The following RHBDL2 variants were observed in gnomAD, a reference collection of about 807,000 sequenced individuals.
RHBDL2 encodes the protein rhomboid-related protein 2.
In RHBDL2, 26 loss-of-function variants were observed where a neutral mutation model predicts 31.7. That is an observed-to-expected ratio of 0.82 (90% CI 0.60 to 1.14). The LOEUF (loss-of-function observed/expected upper bound fraction) is 1.14. Among genes scored for constraint, RHBDL2 ranks in the 50% most tolerant of loss-of-function variants. RHBDL2 has a pLI of 0.00. For missense variants in RHBDL2, 336 were observed against 364.4 expected (o/e 0.92, Z 0.63); for synonymous variants, 123 against 127.2 (o/e 0.97, Z 0.22).
chr1:38,889,240 T>A (rs1642824697), intron 6 of RHBDL2, among the ~76,000 whole-genome samples: 1 of 152,096 alleles, frequency 6.6e-6, no homozygotes, highest in South Asian at 2.1e-4. Context: ...ATTACAGACA[T>A]GTGCCACTAT....
At chr1:38,888,307 G>C (rs1014180564) in intron 6 of RHBDL2, among the ~76,000 whole-genome samples, 2 of 151,306 alleles carry the variant, frequency 1.3e-5, no homozygotes. Flanking sequence ...GCAATGGACA[G>C]ATCTAACAGC....
At chr1:38,931,696 G>A (rs903460942) in intron 1 of RHBDL2, among the ~76,000 whole-genome samples, 3 of 150,822 alleles carry the variant, frequency 2.0e-5, no homozygotes, top group South Asian at 2.1e-4. Context: ...GAAACACATG[G>A]GAAAAAAAAA....
intron 1 of RHBDL2, among the ~76,000 whole-genome samples, chr1:38,934,658 C>CA (rs369758227): frequency 0.7 from 86,395 of 123,640 alleles, 29,969 homozygotes; most frequent in Middle Eastern, 0.72. Context: ...AAGACTGTCT[C>CA]AAAAAAAAAA....
At chr1:38,929,673 G>GC in intron 1 of RHBDL2, 2 of 768,110 alleles carry the variant, frequency 2.6e-6, no homozygotes, top group Non-Finnish European at 1.6e-6. Context: ...GCCAATTGCT[G>GC]CCCAGCTGGG....
intron 3 of RHBDL2, among the ~76,000 whole-genome samples, chr1:38,911,846 G>A (rs1423594360): frequency 1.3e-5 from 2 of 151,364 alleles, no homozygotes; most frequent in Admixed American, 6.6e-5. Context: ...TCCCTCTGTC[G>A]CCCAGGCTGG....
In RHBDL2 at chr1:38,899,512, A is replaced by C. The variant is rs1304327828; in HGVS notation, c.509-3443T>G. ...GTCCTCCCTAACAGGCATGTGGGGCATGGGGATGCTGACCCCTGAACTCCT... is the reference window on the plus strand; with the variant it reads ...GTCCTCCCTAACAGGCATGTGGGGCCTGGGGATGCTGACCCCTGAACTCCT... On this transcript the variant is annotated intron_variant, in intron 4 of 7. Coordinates refer to ENST00000372990, the MANE Select transcript of RHBDL2 (RefSeq NM_017821.5). 2.6e-5 allele frequency among the ~76,000 whole-genome samples: 4 copies of C among 152,196 alleles called. No homozygotes were observed. In the South Asian group the frequency reaches 8.3e-4, roughly 32 times the overall value.
rs1557609429 is a variant in RHBDL2, at chr1:38,896,114, A to G, written c.509-45T>C. ...AGGATCAGACATGACTATACGGATC[A>G]GGAAAGATAAATCTTTCTAATCTAA... On this transcript the variant is annotated intron_variant, in intron 4 of 7. Transcript: ENST00000372990. 5 of 1,379,904 alleles carry G rather than the reference A, an allele frequency of 3.6e-6. No individual in the cohort carries two copies. The East Asian group carries it at 6.9e-5, about 19-fold the overall frequency. 85.5% of individuals were successfully genotyped at this position (1,379,904 alleles called of 1,614,324 possible).
chr1:38,922,945 G>T (rs1187474982), intron 1 of RHBDL2, among the ~76,000 whole-genome samples: 2 of 152,014 alleles, frequency 1.3e-5, no homozygotes, highest in Non-Finnish European at 2.9e-5. Flanking sequence ...ACAAAAATTA[G>T]CTGGGCATGG....
intron 1 of RHBDL2, among the ~76,000 whole-genome samples, chr1:38,935,308 G>T (rs1643486898): frequency 6.6e-6 from 1 of 152,206 alleles, no homozygotes; most frequent in African/African-American, 2.4e-5. Flanking sequence ...ACTGGCTCAT[G>T]TCTCAATTCT....
chr1:38,936,561 G>T (rs192626638), intron 1 of RHBDL2, among the ~76,000 whole-genome samples: 1 of 148,860 alleles, frequency 6.7e-6, no homozygotes, highest in East Asian at 2.0e-4. Context: ...GTGCAATGGC[G>T]CGATCTCAGC....
At chr1:38,887,475 A>G (rs953001719) in intron 7 of RHBDL2, among the ~76,000 whole-genome samples, 1 of 152,106 alleles carries the variant, frequency 6.6e-6, no homozygotes, top group African/African-American at 2.4e-5. Context: ...CCCAGGCTGG[A>G]GTGCAGTGGT....
intron 4 of RHBDL2, among the ~76,000 whole-genome samples, chr1:38,904,638 G>A (rs1165115057): frequency 6.6e-6 from 1 of 150,546 alleles, no homozygotes; most frequent in Non-Finnish European, 1.5e-5. Context: ...GACTAGTCTA[G>A]GTAATATGGC....
intron 6 of RHBDL2, among the ~76,000 whole-genome samples, chr1:38,892,296 G>A (rs190482210): frequency 6.6e-6 from 1 of 152,138 alleles, no homozygotes; most frequent in Admixed American, 6.6e-5. Flanking sequence ...AGGAAGAAAA[G>A]AGATTATATC....
chr1:38,928,694 C>T (rs1315705745), intron 1 of RHBDL2, among the ~76,000 whole-genome samples: 1 of 152,172 alleles, frequency 6.6e-6, no homozygotes, highest in Non-Finnish European at 1.5e-5. Context: ...GATCCACCCG[C>T]CTCGGCATCC....
At chr1:38,921,783 AT>A (rs1251405358) in intron 1 of RHBDL2, among the ~76,000 whole-genome samples, 1 of 152,032 alleles carries the variant, frequency 6.6e-6, no homozygotes, top group African/African-American at 2.4e-5. Context: ...AAGACTGATG[AT>A]TTTTTTCTAC....
chr1:38,902,201 C>CTTTTTTTTTTTTTTT (rs770169792), intron 4 of RHBDL2, among the ~76,000 whole-genome samples: 89 of 92,802 alleles, frequency 9.6e-4, no homozygotes, highest in South Asian at 1.3e-3. Flanking sequence ...TTTTCTTTTT[C>CTTTTTTTTTTTTTTT]TTTTTTTTTT....
intron 1 of RHBDL2, among the ~76,000 whole-genome samples, chr1:38,937,133 G>C (rs1350124258): frequency 1.3e-5 from 2 of 150,966 alleles, no homozygotes; most frequent in African/African-American, 4.9e-5. Context: ...ATTTTTAGTA[G>C]AGACAGGGTT....
intron 7 of RHBDL2, among the ~76,000 whole-genome samples, chr1:38,886,984 A>G (rs1326707186): frequency 6.6e-6 from 1 of 152,250 alleles, no homozygotes; most frequent in African/African-American, 2.4e-5. Context: ...TATAATGCCA[A>G]CTAAGAGAAT....
At chr1:38,887,814 C>T (rs1642804403) in intron 7 of RHBDL2, 149 bp downstream of exon 7, 1 of 589,160 alleles carries the variant, frequency 1.7e-6, no homozygotes, top group South Asian at 2.1e-5. Context: ...GTGGGAAGGA[C>T]AATTCAAAAG....
Sources: allele counts gnomAD v4.1 joint callset (sites outside exome capture counted in the v4.1 genomes callset), GRCh38; gene constraint gnomAD v4.1.1; transcripts MANE v1.5; gene names NCBI Gene and HGNC (gene_info 2026-07-23, HGNC 2026-07-21).